ADCYAP1R1: variants seen among roughly 807,000 people sequenced by gnomAD.
The protein encoded by ADCYAP1R1 is ADCYAP receptor type I, also known as pituitary adenylate cyclase-activating polypeptide type I receptor.
Under a neutral mutation model 67.6 loss-of-function variants are expected in ADCYAP1R1, and 44 were observed. The ratio of observed to expected loss-of-function variants is 0.65; its 90% confidence interval spans 0.51 to 0.84. The LOEUF (loss-of-function observed/expected upper bound fraction) is 0.84, where lower values mean the gene tolerates loss of function less well. Among genes scored for constraint, ADCYAP1R1 ranks in the 40% least tolerant of loss-of-function variants. ADCYAP1R1 has a pLI of 0.00. For synonymous variants in ADCYAP1R1, 222 were observed against 219.6 expected (o/e 1.01, Z -0.10); for missense variants, 477 against 587.9 (o/e 0.81, Z 1.95).
rs1444354037 is a variant in ADCYAP1R1 at position 31,085,403 on chromosome 7, G to A, written c.630G>A (p.Leu210=). ...AISVFIKDWI[L]YAEQDSNHCF... is the part of the protein sequence containing the mutation. ...CCGTCTTCATCAAAGACTGGATTCT[G>A]TATGCGGAGCAGGACAGCAACCACT... is the stretch of plus-strand genomic sequence containing the variant. The change falls in exon 9 of 16, where the codon CTG becomes CTA. Residue 210 remains leucine, a synonymous_variant. Transcript: ENST00000304166. 6.2e-7 allele frequency: 1 copy of A among 1,613,944 alleles called. No homozygotes were observed. The highest frequency in any genetic ancestry group is 2.2e-5 in the East Asian group (1 of 44,878).
intron 1 of ADCYAP1R1, among the ~76,000 whole-genome samples, chr7:31,060,365 A>G (rs1794446869): frequency 6.6e-6 from 1 of 152,192 alleles, no homozygotes; most frequent in South Asian, 2.1e-4. Flanking sequence ...TGTTCTGTAT[A>G]TCTACAGTCT....
At chr7:31,065,616 G>T (rs1022371798) in intron 3 of ADCYAP1R1, among the ~76,000 whole-genome samples, 4 of 152,146 alleles carry the variant, frequency 2.6e-5, no homozygotes, top group Non-Finnish European at 5.9e-5. Context: ...AGAACCAGTG[G>T]CCCCATCGAA....
At chr7:31,085,681 G>T (rs191732544) in intron 9 of ADCYAP1R1, among the ~76,000 whole-genome samples, 1 of 152,356 alleles carries the variant, frequency 6.6e-6, no homozygotes, top group East Asian at 1.9e-4. Context: ...CTTGGCCTGG[G>T]TGTTGCATTT....
chr7:31,096,651 T>G (rs964280656), intron 13 of ADCYAP1R1, among the ~76,000 whole-genome samples: 2 of 151,760 alleles, frequency 1.3e-5, no homozygotes, highest in Non-Finnish European at 2.9e-5. Context: ...TATGGAGGAG[T>G]GGCTCGTCCT....
At chr7:31,093,329 G>A (rs760380367) in intron 13 of ADCYAP1R1, among the ~76,000 whole-genome samples, 2 of 151,828 alleles carry the variant, frequency 1.3e-5, no homozygotes, top group Non-Finnish European at 2.9e-5. Context: ...GGGGATTATT[G>A]GGTTACAGGG....
intron 3 of ADCYAP1R1, among the ~76,000 whole-genome samples, chr7:31,071,356 C>T (rs1001989812): frequency 1.3e-5 from 2 of 152,194 alleles, no homozygotes; most frequent in African/African-American, 4.8e-5. Context: ...AGAGTGTACG[C>T]AGCACTCCCC....
intron 12 of ADCYAP1R1, 61 bp downstream of exon 12, chr7:31,087,757 G>A (rs371963522): frequency 2.8e-6 from 4 of 1,412,318 alleles, no homozygotes; most frequent in African/African-American, 1.4e-5. Context: ...AAAGGCACGC[G>A]AGGAAGAGAA....
At chr7:31,098,774 T>C (rs60025619) in intron 13 of ADCYAP1R1, among the ~76,000 whole-genome samples, 9,151 of 145,766 alleles carry the variant, frequency 0.063, 311 homozygotes, top group Middle Eastern at 0.16. Context: ...CTCAGCGAAA[T>C]GACATGTCAC....
chr7:31,084,909 T>TC lies in ADCYAP1R1; in HGVS notation c.536+81dup, dbSNP rs1795673019. On this transcript the variant is annotated intron_variant, in intron 8 of 15. Transcript: ENST00000304166. ...CAGAGGCCTTGGTGCATCTCTCCCC[T>TC]CCCCCCTTGATGTCAGCCCTAGAAG... is the stretch of plus-strand genomic sequence containing the variant. The TC allele has an allele frequency of 4.3e-5, 57 of 1,334,936 alleles. No homozygotes were observed. In the South Asian group the frequency reaches 6.3e-4, roughly 15 times the overall value. The allele number at this position is 1,334,936 out of a possible 1,614,324, so 82.7% of individuals were successfully genotyped here. A position where few individuals can be genotyped will look rare whatever the true frequency, so the allele number is the denominator to read the frequency against.
intron 3 of ADCYAP1R1, among the ~76,000 whole-genome samples, chr7:31,065,574 A>G (rs1388798975): frequency 6.6e-6 from 1 of 152,138 alleles, no homozygotes; most frequent in Admixed American, 6.5e-5. Flanking sequence ...CAAGATTTCA[A>G]ATGTCCCAAG....
intron 11 of ADCYAP1R1, 82 bp downstream of exon 11, chr7:31,087,085 A>G (rs776136565): frequency 1.4e-6 from 2 of 1,475,568 alleles, no homozygotes; most frequent in East Asian, 2.3e-5. Flanking sequence ...CTGACTTCAC[A>G]TGAACTGCCC....
At chr7:31,082,909 T>C (rs2128628975) in intron 6 of ADCYAP1R1, among the ~76,000 whole-genome samples, 1 of 152,336 alleles carries the variant, frequency 6.6e-6, no homozygotes, top group South Asian at 2.1e-4. Context: ...TGGCCTTAGA[T>C]CTTCTAATGC....
intron 6 of ADCYAP1R1, among the ~76,000 whole-genome samples, chr7:31,083,559 G>A (rs1562643783): frequency 1.3e-5 from 2 of 152,226 alleles, no homozygotes; most frequent in South Asian, 4.1e-4. Flanking sequence ...CCGGCCCTAC[G>A]TTAGTGGAAA....
chr7:31,063,261 T>C lies in ADCYAP1R1; in HGVS notation c.-4T>C. 6.2e-7 allele frequency: 1 copy of C among 1,614,092 alleles called. No homozygotes were observed. The highest frequency in any genetic ancestry group is 2.2e-5 in the East Asian group (1 of 44,860). ...GAGGCCAGTGGTGCTGGCCAAGAAG[T>C]GTCATGGCTGGTGTCGTGCACGTTT... On this transcript the variant is annotated 5_prime_UTR_variant, in exon 2 of 16. Transcript: ENST00000304166.
rs555832853 is a variant in ADCYAP1R1 at position 31,079,937 on chromosome 7, T to G, written c.266-676T>G. Among the ~76,000 whole-genome samples, 11 of 152,332 alleles carry G rather than the reference T, an allele frequency of 7.2e-5. 1 individual carries two copies. In the East Asian group the frequency reaches 2.1e-3, roughly 29 times the overall value. ...AGGCATGGTGGCAGCCAGTGAGTGA[T>G]TCAGCCTGATTTCCAATTCATTCCT... On this transcript the variant is annotated intron_variant, in intron 4 of 15. Coordinates refer to ENST00000304166, the MANE Select transcript of ADCYAP1R1 (RefSeq NM_001118.5).
At chr7:31,091,136 A>T (rs1795947028) in intron 12 of ADCYAP1R1, among the ~76,000 whole-genome samples, 1 of 152,090 alleles carries the variant, frequency 6.6e-6, no homozygotes, top group Non-Finnish European at 1.5e-5. Flanking sequence ...ATGGTATCTC[A>T]TTGTGGTTTT....
At chr7:31,084,112 G>C in intron 6 of ADCYAP1R1, 29 bp from the exon 7 acceptor site, 1 of 1,593,434 alleles carries the variant, frequency 6.3e-7, no homozygotes, top group East Asian at 2.2e-5. Context: ...ATCATTTCTG[G>C]GCCTCGCTGA....
intron 12 of ADCYAP1R1, among the ~76,000 whole-genome samples, 188 bp downstream of exon 12, chr7:31,087,884 C>T (rs770539353): frequency 4.9e-4 from 74 of 152,196 alleles, no homozygotes; most frequent in Non-Finnish European, 8.7e-4. Context: ...TATATTGTCC[C>T]ATTTTTTCCT....
At chr7:31,083,893 G>A (rs907743084) in intron 6 of ADCYAP1R1, among the ~76,000 whole-genome samples, 4 of 152,202 alleles carry the variant, frequency 2.6e-5, no homozygotes, top group African/African-American at 7.2e-5. Flanking sequence ...GGAAATGTTC[G>A]AGAGGGGAGG....
Sources: allele counts gnomAD v4.1 joint callset (sites outside exome capture counted in the v4.1 genomes callset), GRCh38; gene constraint gnomAD v4.1.1; transcripts MANE v1.5; gene names NCBI Gene and HGNC (gene_info 2026-07-23, HGNC 2026-07-21).